Variants in PHLDB2 observed in about 807,000 individuals in gnomAD.
PHLDB2 encodes the protein pleckstrin homology like domain family B member 2.
Under a neutral mutation model 123.6 loss-of-function variants are expected in PHLDB2, and 71 were observed. The observed-to-expected ratio is 0.57, with a 90% CI of 0.47 to 0.70. The LOEUF (loss-of-function observed/expected upper bound fraction) is 0.70, where lower values mean the gene tolerates loss of function less well. Among genes scored for constraint, PHLDB2 ranks in the 30% least tolerant of loss-of-function variants. The probability of loss-of-function intolerance (pLI) is 0.00; values close to 1 mark genes in which losing one functional copy is unlikely to be tolerated. For missense variants in PHLDB2, 1,446 were observed against 1,519.5 expected, an observed-to-expected ratio of 0.95 and a Z score of 0.80; for synonymous variants, 547 against 541.6, an observed-to-expected ratio of 1.01 and a Z score of -0.14.
At chr3:111,970,059 T>C in intron 16 of PHLDB2, 150 bp downstream of exon 16, 1 of 694,870 alleles carries the variant, frequency 1.4e-6, no homozygotes, top group South Asian at 1.9e-5. Flanking sequence ...TTATTTTATA[T>C]TTAGATTATA....
At chr3:111,818,072 T>C (rs1275421868) in intron 1 of PHLDB2, among the ~76,000 whole-genome samples, 2 of 152,126 alleles carry the variant, frequency 1.3e-5, no homozygotes, top group Non-Finnish European at 2.9e-5. Context: ...AGGCCTTTGA[T>C]ATAAGGTTAT....
chr3:111,894,544 C>T (rs2066705919), intron 2 of PHLDB2, among the ~76,000 whole-genome samples: 1 of 151,800 alleles, frequency 6.6e-6, no homozygotes, highest in South Asian at 2.1e-4. Flanking sequence ...AAAAGTGTTC[C>T]TATTTCTCCA....
chr3:111,763,020 T>C (rs979015033), intron 1 of PHLDB2, among the ~76,000 whole-genome samples: 2 of 152,242 alleles, frequency 1.3e-5, no homozygotes, highest in African/African-American at 4.8e-5. Flanking sequence ...CACCCTCTTC[T>C]GCACCTGCAA....
chr3:111,763,612 G>C (rs2060031086), intron 1 of PHLDB2, among the ~76,000 whole-genome samples: 1 of 152,136 alleles, frequency 6.6e-6, no homozygotes, highest in African/African-American at 2.4e-5. Flanking sequence ...AAAGAGCAGT[G>C]CTATAATCTG....
At chr3:111,836,847 C>G (rs2063429165) in intron 1 of PHLDB2, among the ~76,000 whole-genome samples, 1 of 152,112 alleles carries the variant, frequency 6.6e-6, no homozygotes. Flanking sequence ...CCCCGATGAT[C>G]CAATCATCTC....
At chr3:111,937,087 G>A (rs1197426789) in intron 6 of PHLDB2, among the ~76,000 whole-genome samples, 3 of 152,170 alleles carry the variant, frequency 2.0e-5, no homozygotes, top group African/African-American at 4.8e-5. Flanking sequence ...GAAGTGTTAA[G>A]AAATGTTGAA....
chr3:111,813,064 G>T (rs1336866796), intron 1 of PHLDB2, among the ~76,000 whole-genome samples: 2 of 152,190 alleles, frequency 1.3e-5, no homozygotes, highest in African/African-American at 2.4e-5. Context: ...GAGTGCTTTA[G>T]CACATAATGG....
chr3:111,822,117 A>T (rs1422407639), intron 1 of PHLDB2, among the ~76,000 whole-genome samples: 1 of 152,132 alleles, frequency 6.6e-6, no homozygotes, highest in East Asian at 1.9e-4. Context: ...CCATAAATAA[A>T]AGCAGGCCAG....
chr3:111,811,663 C>T (rs2061843869), intron 1 of PHLDB2, among the ~76,000 whole-genome samples: 1 of 152,034 alleles, frequency 6.6e-6, no homozygotes, highest in Non-Finnish European at 1.5e-5. Context: ...CATACACACA[C>T]ACGAAAAAAT....
At chr3:111,784,326 T>G (rs1027429216) in intron 1 of PHLDB2, among the ~76,000 whole-genome samples, 1 of 152,188 alleles carries the variant, frequency 6.6e-6, no homozygotes, top group Non-Finnish European at 1.5e-5. Flanking sequence ...CTGCAAAAAT[T>G]GTTCTTCTGA....
At chr3:111,860,655 C>T (rs1361399235) in intron 1 of PHLDB2, among the ~76,000 whole-genome samples, 1 of 152,166 alleles carries the variant, frequency 6.6e-6, no homozygotes, top group African/African-American at 2.4e-5. Context: ...CGGTTCCTCA[C>T]TTACCTTTCT....
At chr3:111,898,162 T>TTTG (rs2066977120) in intron 2 of PHLDB2, among the ~76,000 whole-genome samples, 1 of 135,980 alleles carries the variant, frequency 7.4e-6, no homozygotes, top group Admixed American at 7.6e-5. Flanking sequence ...GGCAATTTCT[T>TTTG]TGTGTGTGTG....
chr3:111,842,224 T>C (rs1406403470), intron 1 of PHLDB2, among the ~76,000 whole-genome samples: 1 of 152,242 alleles, frequency 6.6e-6, no homozygotes, highest in Non-Finnish European at 1.5e-5. Context: ...CTTGCCTCCA[T>C]CAACAATCTT....
Position 111,866,930 on chromosome 3 carries a change from G to GGGGTGTGT in PHLDB2, c.-15+7355_-15+7356insGGTGTGTG, listed in dbSNP as rs368134623. Among the ~76,000 whole-genome samples, 28 of 126,064 alleles carry GGGGTGTGT rather than the reference G, an allele frequency of 2.2e-4. 1 individual carries two copies. Among genetic ancestry groups the GGGGTGTGT allele is most frequent in the East Asian group, 1.4e-3 (6 of 4,340 alleles). 82.7% of individuals were successfully genotyped at this position (126,064 alleles called of 152,430 possible). On this transcript the variant is annotated intron_variant, in intron 1 of 17. Coordinates refer to ENST00000431670, the MANE Select transcript of PHLDB2 (RefSeq NM_001134438.2). The stretch of plus-strand genomic sequence containing the variant: ...TCTTCCTTAACATAAGTTTCTAAGG[G>GGGGTGTGT]GTGTGTGTGTGTGTGTGTGTGTGTG...
chr3:111,864,631 G>A (rs929298845), intron 1 of PHLDB2, among the ~76,000 whole-genome samples: 2 of 152,206 alleles, frequency 1.3e-5, no homozygotes, highest in African/African-American at 4.8e-5. Context: ...TGTTGTGTGG[G>A]AAACTAGAGG....
rs140190800 is a variant in PHLDB2, at chr3:111,894,931, C to CGTGTGT, written c.1335+9532_1335+9537dup. Among the ~76,000 whole-genome samples, 915 of 149,914 alleles carry CGTGTGT rather than the reference C, an allele frequency of 6.1e-3. 4 individuals are homozygous for CGTGTGT. Among genetic ancestry groups the CGTGTGT allele is most frequent in the Middle Eastern group, 0.01 (3 of 290 alleles). ...TTTCTCTCTACAAATTGCTGGTTTG[C>CGTGTGT]GTGTGTGTGTGTGTGTGTATGTATG... On this transcript the variant is annotated intron_variant, in intron 2 of 17. Transcript: ENST00000431670.
chr3:111,754,988 C>T (rs1246843452), intron 1 of PHLDB2, among the ~76,000 whole-genome samples: 1 of 151,928 alleles, frequency 6.6e-6, no homozygotes, highest in African/African-American at 2.4e-5. Flanking sequence ...GACTTGCATC[C>T]CAGGGATGAA....
At chr3:111,787,907 C>T (rs558414220) in intron 1 of PHLDB2, among the ~76,000 whole-genome samples, 41 of 152,120 alleles carry the variant, frequency 2.7e-4, no homozygotes, top group South Asian at 6.2e-4. Context: ...CTTTGTAGTC[C>T]GCCAAAATAA....
chr3:111,949,788 T>G, intron 10 of PHLDB2: 1 of 985,776 alleles, frequency 1.0e-6, no homozygotes, highest in African/African-American at 1.7e-5. Flanking sequence ...CCCCATGGCC[T>G]GAATTCATGG....
Sources: allele counts gnomAD v4.1 joint callset (sites outside exome capture counted in the v4.1 genomes callset), GRCh38; gene constraint gnomAD v4.1.1; transcripts MANE v1.5; gene names NCBI Gene and HGNC (gene_info 2026-07-23, HGNC 2026-07-21).